Variants in PCDH9 observed in about 807,000 individuals in gnomAD.
PCDH9 encodes the protein protocadherin 9.
In PCDH9, 24 loss-of-function variants were observed where a neutral mutation model predicts 70.6. That is an observed-to-expected ratio of 0.34 (90% CI 0.25 to 0.48). PCDH9 has a LOEUF of 0.48. PCDH9 is among the 20% of genes least tolerant of loss of function. The pLI is 0.99. For missense variants in PCDH9, 1,281 were observed against 1,503.6 expected (o/e 0.85, Z 2.45); for synonymous variants, 562 against 558.5 (o/e 1.01, Z -0.09).
intron 4 of PCDH9, among the ~76,000 whole-genome samples, chr13:66,535,539 TACA>T (rs35248613): frequency 1.3e-5 from 2 of 152,116 alleles, no homozygotes; most frequent in Admixed American, 1.3e-4. Context: ...TAATCCCAAC[TACA>T]ACAATTTATA....
chr13:66,834,021 A>C (rs892678508), intron 3 of PCDH9, among the ~76,000 whole-genome samples: 1 of 152,190 alleles, frequency 6.6e-6, no homozygotes, highest in Non-Finnish European at 1.5e-5. Context: ...GAATGAAAAA[A>C]ATCTAATTTA....
intron 3 of PCDH9, among the ~76,000 whole-genome samples, chr13:66,899,952 A>C (rs568393967): frequency 6.6e-6 from 1 of 152,106 alleles, no homozygotes; most frequent in East Asian, 1.9e-4. Context: ...GTTTGAAGGT[A>C]AAGTCTTTAG....
chr13:66,476,293 A>G (rs1958726708), intron 4 of PCDH9, among the ~76,000 whole-genome samples: 1 of 101,498 alleles, frequency 9.9e-6, no homozygotes, highest in African/African-American at 3.8e-5. Flanking sequence ...TCCTCCCTCA[A>G]CAGGAAAATT....
At chr13:66,405,781 T>G (rs775966737) in intron 4 of PCDH9, among the ~76,000 whole-genome samples, 2 of 152,152 alleles carry the variant, frequency 1.3e-5, no homozygotes, top group Admixed American at 1.3e-4. Context: ...AACCTTGGAG[T>G]CTTATAAATG....
intron 3 of PCDH9, among the ~76,000 whole-genome samples, chr13:66,667,433 A>AT (rs1386478647): frequency 1.3e-5 from 2 of 151,954 alleles, no homozygotes; most frequent in Admixed American, 6.6e-5. Context: ...TTATTTCCTT[A>AT]TTTTTTTTCT....
intron 4 of PCDH9, among the ~76,000 whole-genome samples, chr13:66,519,326 C>CAT (rs1476568597): frequency 1.9e-4 from 29 of 151,536 alleles, no homozygotes; most frequent in South Asian, 4.2e-4. Context: ...TACAGATACC[C>CAT]ATATATATAT....
chr13:66,772,534 A>G (rs1197472602), intron 3 of PCDH9, among the ~76,000 whole-genome samples: 1 of 152,154 alleles, frequency 6.6e-6, no homozygotes, highest in African/African-American at 2.4e-5. Flanking sequence ...TGTCTCTGAT[A>G]AAATTAACTT....
At chr13:66,879,623 T>C (rs1430835950) in intron 3 of PCDH9, among the ~76,000 whole-genome samples, 1 of 151,996 alleles carries the variant, frequency 6.6e-6, no homozygotes, top group Non-Finnish European at 1.5e-5. Flanking sequence ...AGCACAAATA[T>C]GAAAGAAGTA....
chr13:66,710,395 A>T lies in PCDH9; in HGVS notation c.3139-78984T>A, dbSNP rs1268177117. ...TTAAACTTTTAAAAGAAAAGTATACAAAATGACAGGACACCGATGCTCTTT... is the reference window on the plus strand; with the variant it reads ...TTAAACTTTTAAAAGAAAAGTATACTAAATGACAGGACACCGATGCTCTTT... On this transcript the variant is annotated intron_variant, in intron 3 of 4. Coordinates refer to ENST00000377865, the MANE Select transcript of PCDH9 (RefSeq NM_203487.3). Among the ~76,000 whole-genome samples, 3 of 152,184 alleles carry T rather than the reference A, an allele frequency of 2.0e-5. No individual in the cohort carries two copies. The East Asian group carries it at 5.8e-4, about 29-fold the overall frequency.
rs1566145314 is a variant in PCDH9 at position 66,717,480 on chromosome 13, A to AAATAT, written c.3139-86070_3139-86069insATATT. Among the ~76,000 whole-genome samples, 6 of 44,436 alleles carry AAATAT rather than the reference A, an allele frequency of 1.4e-4. 1 individual carries two copies. The highest frequency in any genetic ancestry group is 5.3e-4 in the African/African-American group (6 of 11,312). 29.2% of individuals were successfully genotyped at this position (44,436 alleles called of 152,430 possible). On this transcript the variant is annotated intron_variant, in intron 3 of 4. Transcript: ENST00000377865. The stretch of plus-strand genomic sequence containing the variant: ...AAAAAAAAAAAAAAAAAAAAAAAAA[A>AAATAT]ATATATATATATATATATATATATA...
intron 2 of PCDH9, among the ~76,000 whole-genome samples, chr13:66,976,709 AAC>A (rs914477770): frequency 2.5e-4 from 38 of 152,198 alleles, no homozygotes; most frequent in African/African-American, 9.1e-4. Context: ...AGATGGGAAA[AAC>A]AGATACAAAC....
In PCDH9 at chr13:66,681,557, C is replaced by T. The variant is rs752521312; in HGVS notation, c.3139-50146G>A. 2.6e-5 allele frequency among the ~76,000 whole-genome samples: 4 copies of T among 152,044 alleles called. No individual in the cohort carries two copies. The South Asian group carries it at 8.3e-4, about 32-fold the overall frequency. ...CCACAGTCTCCCCACATTCCCCTGG[C>T]CTCTTCTTTTTCTCTAGGCACTACT... is the stretch of plus-strand genomic sequence containing the variant. On this transcript the variant is annotated intron_variant, in intron 3 of 4. Transcript: ENST00000377865.
chr13:66,737,364 A>G (rs148814260), intron 3 of PCDH9, among the ~76,000 whole-genome samples: 1 of 152,172 alleles, frequency 6.6e-6, no homozygotes, highest in African/African-American at 2.4e-5. Context: ...TTCTTTCTCA[A>G]TATCTCTTTC....
At chr13:66,828,281 T>G (rs1042011855) in intron 3 of PCDH9, among the ~76,000 whole-genome samples, 3 of 152,182 alleles carry the variant, frequency 2.0e-5, no homozygotes, top group African/African-American at 7.2e-5. Flanking sequence ...TGATAGGTAA[T>G]TTTAATCCCC....
At chr13:66,535,259 A>G (rs1960649301) in intron 4 of PCDH9, among the ~76,000 whole-genome samples, 1 of 152,140 alleles carries the variant, frequency 6.6e-6, no homozygotes, top group Non-Finnish European at 1.5e-5. Flanking sequence ...TTTTCTGAGT[A>G]TTCCCATTTC....
chr13:67,063,814 A>G (rs1326925474), intron 2 of PCDH9, among the ~76,000 whole-genome samples: 1 of 152,186 alleles, frequency 6.6e-6, no homozygotes, highest in Non-Finnish European at 1.5e-5. Flanking sequence ...TGCTCAAAGT[A>G]GATATTGTTT....
chr13:66,975,739 A>G (rs2083607530), intron 2 of PCDH9, among the ~76,000 whole-genome samples: 1 of 152,060 alleles, frequency 6.6e-6, no homozygotes. Flanking sequence ...ACTAGGTGCC[A>G]GAAATACAAA....
At chr13:66,388,709 C>T (rs1257692361) in intron 4 of PCDH9, among the ~76,000 whole-genome samples, 1 of 151,996 alleles carries the variant, frequency 6.6e-6, no homozygotes, top group East Asian at 1.9e-4. Flanking sequence ...TCATATGACG[C>T]TGTTATTTAT....
intron 4 of PCDH9, among the ~76,000 whole-genome samples, chr13:66,565,603 C>T (rs905619856): frequency 1.3e-5 from 2 of 152,196 alleles, no homozygotes; most frequent in Non-Finnish European, 1.5e-5. Flanking sequence ...GTAATCTCAT[C>T]TTCAGGCAAT....
Sources: allele counts gnomAD v4.1 joint callset (sites outside exome capture counted in the v4.1 genomes callset), GRCh38; gene constraint gnomAD v4.1.1; transcripts MANE v1.5; gene names NCBI Gene and HGNC (gene_info 2026-07-23, HGNC 2026-07-21).